Variants in SLC9A4 observed in about 807,000 individuals in gnomAD.
SLC9A4 encodes sodium/hydrogen exchanger 4.
In SLC9A4, 63 loss-of-function variants were observed where a neutral mutation model predicts 67.4. That is an observed-to-expected ratio of 0.93 (90% CI 0.76 to 1.15). The LOEUF is 1.15. SLC9A4 is among the 50% of genes most tolerant of loss of function. SLC9A4 has a pLI of 0.00. For synonymous variants in SLC9A4, 393 were observed against 367.2 expected (o/e 1.07, Z -0.80); for missense variants, 1,089 against 987.7 (o/e 1.10, Z -1.38).
At chr2:102,487,595 G>C (rs1553411584) in intron 2 of SLC9A4, among the ~76,000 whole-genome samples, 1 of 152,108 alleles carries the variant, frequency 6.6e-6, no homozygotes, top group Non-Finnish European at 1.5e-5. Context: ...CACCTGTTTG[G>C]TTCATTTTCT....
intron 2 of SLC9A4, among the ~76,000 whole-genome samples, chr2:102,484,260 T>C (rs1421837615): frequency 6.6e-6 from 1 of 151,898 alleles, no homozygotes; most frequent in African/African-American, 2.4e-5. Context: ...CTCCCAAACT[T>C]TTTCCTTTTT....
intron 6 of SLC9A4, among the ~76,000 whole-genome samples, chr2:102,511,831 T>G (rs1225326632): frequency 6.6e-6 from 1 of 151,702 alleles, no homozygotes; most frequent in African/African-American, 2.4e-5. Flanking sequence ...TTATTACAAT[T>G]ATTTAATAAT....
intron 2 of SLC9A4, among the ~76,000 whole-genome samples, chr2:102,490,865 G>T (rs1300268990): frequency 6.6e-6 from 1 of 152,136 alleles, no homozygotes; most frequent in Non-Finnish European, 1.5e-5. Context: ...CTTGCCTTTT[G>T]CTAGCCAACA....
chr2:102,479,479 A>G (rs1019767758), intron 2 of SLC9A4, among the ~76,000 whole-genome samples, 177 bp downstream of exon 2: 6 of 152,208 alleles, frequency 3.9e-5, no homozygotes, highest in African/African-American at 1.4e-4. Context: ...TGCACTGCCT[A>G]CATAACGGTT....
At chr2:102,527,374 C>CAACAAA (rs1674687231) in intron 11 of SLC9A4, among the ~76,000 whole-genome samples, 3 of 152,094 alleles carry the variant, frequency 2.0e-5, no homozygotes, top group African/African-American at 4.8e-5. Flanking sequence ...AATGTTGTAC[C>CAACAAA]TAGGTTTCCA....
intron 2 of SLC9A4, among the ~76,000 whole-genome samples, chr2:102,483,406 G>C (rs923623332): frequency 6.6e-6 from 1 of 152,176 alleles, no homozygotes; most frequent in Non-Finnish European, 1.5e-5. Context: ...AGCCTTCTTG[G>C]GGGCAGCAGT....
At position 102,503,544 on chromosome 2, in the gene SLC9A4, G is replaced by T. The variant is rs773328196; in HGVS notation, c.817G>T (p.Val273Leu). 1 of 1,614,034 alleles carries T rather than the reference G, an allele frequency of 6.2e-7. No individual in the cohort carries two copies. Among genetic ancestry groups the T allele is most frequent in the Non-Finnish European group, 8.5e-7 (1 of 1,180,032 alleles). ...ILAGCARFIV[V>L]GLGGVLFGIV... Reference sequence around the variant, plus strand: ...GGCTGGATGTGCCCGATTCATCGTTGTGGGGCTTGGAGGGGTATTGTTTGG... The same window carrying T: ...GGCTGGATGTGCCCGATTCATCGTTTTGGGGCTTGGAGGGGTATTGTTTGG... The change falls in exon 3 of 12, where the codon GTG (valine) becomes TTG (leucine). Residue 273 changes from valine (V) to leucine (L), a missense_variant. Coordinates refer to ENST00000295269, the MANE Select transcript of SLC9A4 (RefSeq NM_001011552.4).
chr2:102,528,966 C>T (rs1034856029), intron 11 of SLC9A4, among the ~76,000 whole-genome samples: 1 of 152,172 alleles, frequency 6.6e-6, no homozygotes, highest in Non-Finnish European at 1.5e-5. Flanking sequence ...TGGTTCCCTC[C>T]ATATGCAATT....
At chr2:102,474,147 C>A in intron 1 of SLC9A4, 132 bp downstream of exon 1, 1 of 1,089,970 alleles carries the variant, frequency 9.2e-7, no homozygotes, top group Non-Finnish European at 1.3e-6. Flanking sequence ...CTCTTCCCTT[C>A]AGTCAAGGGA....
chr2:102,507,323 G>T (rs762554043), intron 4 of SLC9A4, among the ~76,000 whole-genome samples: 3 of 152,220 alleles, frequency 2.0e-5, no homozygotes, highest in South Asian at 4.1e-4. Flanking sequence ...TTTATTCTAC[G>T]AAGTGAAACT....
chr2:102,491,591 C>A (rs537229490), intron 2 of SLC9A4, among the ~76,000 whole-genome samples: 1 of 152,008 alleles, frequency 6.6e-6, no homozygotes, highest in South Asian at 2.1e-4. Context: ...AAAAACCCAC[C>A]CTATGATTCA....
chr2:102,478,720 G>A, intron 1 of SLC9A4, 119 bp from the exon 2 acceptor site: 3 of 958,808 alleles, frequency 3.1e-6, no homozygotes, highest in Non-Finnish European at 4.6e-6. Flanking sequence ...CAGATGGGAC[G>A]CTGAGGCTGA....
chr2:102,528,170 G>T (rs1674704279), intron 11 of SLC9A4, among the ~76,000 whole-genome samples: 1 of 151,990 alleles, frequency 6.6e-6, no homozygotes, highest in Non-Finnish European at 1.5e-5. Context: ...ACCACACCCG[G>T]CCAATTTTTG....
At chr2:102,475,735 G>A (rs1036554180) in intron 1 of SLC9A4, among the ~76,000 whole-genome samples, 1 of 151,958 alleles carries the variant, frequency 6.6e-6, no homozygotes, top group African/African-American at 2.4e-5. Context: ...ATTCCATATG[G>A]ACATGAGGAG....
chr2:102,476,595 A>G (rs1684337477), intron 1 of SLC9A4, among the ~76,000 whole-genome samples: 4 of 152,212 alleles, frequency 2.6e-5, no homozygotes, highest in Admixed American at 2.6e-4. Flanking sequence ...TGAGAAAATC[A>G]CACTATGGGC....
chr2:102,512,879 T>C (rs1311951113), intron 7 of SLC9A4, among the ~76,000 whole-genome samples: 1 of 152,108 alleles, frequency 6.6e-6, no homozygotes, highest in African/African-American at 2.4e-5. Context: ...GCTCTCACTC[T>C]CGTGGCGCAG....
intron 9 of SLC9A4, among the ~76,000 whole-genome samples, chr2:102,522,214 A>G (rs895390362): frequency 5.3e-5 from 8 of 152,234 alleles, no homozygotes; most frequent in African/African-American, 1.9e-4. Flanking sequence ...CTGGATAATC[A>G]GATCACTCTC....
intron 2 of SLC9A4, among the ~76,000 whole-genome samples, chr2:102,487,307 G>A (rs1158343206): frequency 2.6e-5 from 4 of 152,160 alleles, no homozygotes; most frequent in Non-Finnish European, 5.9e-5. Context: ...GGCTGGGGAG[G>A]TGGGAGGACC....
chr2:102,475,267 G>A (rs1489654402), intron 1 of SLC9A4, among the ~76,000 whole-genome samples: 1 of 152,204 alleles, frequency 6.6e-6, no homozygotes, highest in Non-Finnish European at 1.5e-5. Context: ...GACACTGATT[G>A]TGTTCAAGGT....
Sources: allele counts gnomAD v4.1 joint callset (sites outside exome capture counted in the v4.1 genomes callset), GRCh38; gene constraint gnomAD v4.1.1; transcripts MANE v1.5; gene names NCBI Gene and HGNC (gene_info 2026-07-23, HGNC 2026-07-21).